Variants in MDGA2 observed in about 807,000 individuals in gnomAD.
The protein encoded by MDGA2 is MAM domain containing glycosylphosphatidylinositol anchor 2.
In MDGA2, 40 loss-of-function variants were observed where a neutral mutation model predicts 117.8. The ratio of observed to expected loss-of-function variants is 0.34; its 90% CI spans 0.26 to 0.44. MDGA2 has a LOEUF of 0.44. Ranked by LOEUF, MDGA2 falls within the 20% of genes least tolerant of loss-of-function variation. MDGA2 has a pLI of 1.00. For synonymous variants in MDGA2, 452 were observed against 439.0 expected, an observed-to-expected ratio of 1.03 and a Z score of -0.37; for missense variants, 1,123 against 1,250.6, an observed-to-expected ratio of 0.90 and a Z score of 1.54.
intron 6 of MDGA2, among the ~76,000 whole-genome samples, chr14:47,064,577 C>A (rs1890012024): frequency 6.6e-6 from 1 of 151,978 alleles, no homozygotes; most frequent in Non-Finnish European, 1.5e-5. Context: ...GAATTTGCAA[C>A]CTAATTCCAG....
intron 9 of MDGA2, among the ~76,000 whole-genome samples, chr14:46,923,737 G>A (rs190338866): frequency 2.6e-5 from 4 of 151,982 alleles, no homozygotes; most frequent in East Asian, 1.9e-4. Context: ...TTTTTGAAAT[G>A]AGACACACTT....
intron 1 of MDGA2, among the ~76,000 whole-genome samples, chr14:47,483,032 T>C (rs1893985816): frequency 1.3e-5 from 2 of 152,116 alleles, no homozygotes; most frequent in African/African-American, 4.8e-5. Context: ...GAAAACATTT[T>C]ACTGAACTGA....
chr14:47,259,581 A>G (rs919910984), intron 2 of MDGA2, among the ~76,000 whole-genome samples: 1 of 152,098 alleles, frequency 6.6e-6, no homozygotes, highest in Non-Finnish European at 1.5e-5. Context: ...AACACAGGAC[A>G]CTTTTCTCTT....
At chr14:47,329,206 A>G (rs1890227722) in intron 1 of MDGA2, among the ~76,000 whole-genome samples, 1 of 152,100 alleles carries the variant, frequency 6.6e-6, no homozygotes, top group Non-Finnish European at 1.5e-5. Context: ...TGTTGAGATT[A>G]CACGTGTGAG....
At chr14:47,161,910 AC>A (rs561348291) in intron 3 of MDGA2, among the ~76,000 whole-genome samples, 71 of 95,236 alleles carry the variant, frequency 7.5e-4, no homozygotes, top group African/African-American at 2.7e-3. Context: ...AGATTTAAAC[AC>A]CCCCCTCCCC....
intron 1 of MDGA2, among the ~76,000 whole-genome samples, chr14:47,613,453 CATTT>C (rs1310800487): frequency 6.9e-6 from 1 of 145,060 alleles, no homozygotes; most frequent in Non-Finnish European, 1.5e-5. Context: ...AACTTTACTT[CATTT>C]ATCTCTCTCT....
intron 6 of MDGA2, among the ~76,000 whole-genome samples, chr14:47,093,212 C>A (rs1031112909): frequency 1.3e-5 from 2 of 151,988 alleles, no homozygotes; most frequent in African/African-American, 4.8e-5. Context: ...TGCATTAAAT[C>A]AGGTTTAGAG....
chr14:46,994,739 G>A (rs1887223720), intron 8 of MDGA2, among the ~76,000 whole-genome samples: 1 of 152,032 alleles, frequency 6.6e-6, no homozygotes, highest in Non-Finnish European at 1.5e-5. Context: ...TTAAATATAA[G>A]AGCAAAACAC....
chr14:46,973,810 C>G (rs2138343841), intron 8 of MDGA2, among the ~76,000 whole-genome samples: 1 of 152,098 alleles, frequency 6.6e-6, no homozygotes, highest in African/African-American at 2.4e-5. Flanking sequence ...TGTTAAATAG[C>G]TGTTATAACA....
At chr14:47,214,207 G>C (rs1594728172) in intron 3 of MDGA2, among the ~76,000 whole-genome samples, 1 of 152,068 alleles carries the variant, frequency 6.6e-6, no homozygotes, top group African/African-American at 2.4e-5. Context: ...CAGCCACTCA[G>C]AAGACACTCA....
At chr14:46,845,916 G>C in intron 15 of MDGA2, 45 bp from the exon 16 acceptor site, 1 of 1,424,762 alleles carries the variant, frequency 7.0e-7, no homozygotes, top group Non-Finnish European at 9.9e-7. Context: ...GCTTTGATTT[G>C]CAGATCAGTT....
intron 8 of MDGA2, among the ~76,000 whole-genome samples, chr14:46,992,289 CA>C (rs1212631635): frequency 1.3e-5 from 2 of 152,048 alleles, no homozygotes; most frequent in Non-Finnish European, 2.9e-5. Context: ...AAAATGTCCA[CA>C]GTAAAATTAA....
intron 1 of MDGA2, among the ~76,000 whole-genome samples, chr14:47,317,751 G>C (rs984099583): frequency 7.2e-5 from 11 of 151,978 alleles, no homozygotes; most frequent in African/African-American, 2.7e-4. Context: ...TTCTTACCTG[G>C]AGAACACATA....
At chr14:47,245,134 C>T (rs558827028) in intron 2 of MDGA2, among the ~76,000 whole-genome samples, 1 of 151,822 alleles carries the variant, frequency 6.6e-6, no homozygotes, top group East Asian at 1.9e-4. Context: ...GCAATCCTCC[C>T]AACTCAAGTC....
chr14:47,225,664 G>C (rs902914703), intron 2 of MDGA2, among the ~76,000 whole-genome samples: 18 of 151,728 alleles, frequency 1.2e-4, no homozygotes, highest in African/African-American at 3.9e-4. Context: ...GACTGTTGTG[G>C]GGTGGGGGGA....
intron 7 of MDGA2, among the ~76,000 whole-genome samples, chr14:47,050,785 A>C (rs1392541628): frequency 2.0e-5 from 3 of 151,994 alleles, no homozygotes; most frequent in Non-Finnish European, 4.4e-5. Flanking sequence ...TCCATGGTGA[A>C]ATAAATACTA....
intron 1 of MDGA2, among the ~76,000 whole-genome samples, chr14:47,535,341 A>G (rs1256154417): frequency 1.3e-5 from 2 of 152,204 alleles, no homozygotes; most frequent in African/African-American, 4.8e-5. Context: ...TAAGTTAGGT[A>G]CTAGTTTATT....
At chr14:47,278,716 G>A (rs927119817) in intron 2 of MDGA2, among the ~76,000 whole-genome samples, 1 of 152,030 alleles carries the variant, frequency 6.6e-6, no homozygotes, top group Admixed American at 6.6e-5. Flanking sequence ...GATAATATAC[G>A]CATATGACAC....
At chr14:47,264,223 C>A (rs1459064048) in intron 2 of MDGA2, among the ~76,000 whole-genome samples, 1 of 152,108 alleles carries the variant, frequency 6.6e-6, no homozygotes, top group Non-Finnish European at 1.5e-5. Flanking sequence ...CTGAAAATTT[C>A]TTCACAGGTG....
Sources: allele counts gnomAD v4.1 joint callset (sites outside exome capture counted in the v4.1 genomes callset), GRCh38; gene constraint gnomAD v4.1.1; transcripts MANE v1.5; gene names NCBI Gene and HGNC (gene_info 2026-07-23, HGNC 2026-07-21).